PTCHD4: variants seen among roughly 807,000 people sequenced by gnomAD.
PTCHD4 encodes the protein patched domain containing 4.
A neutral mutation model predicts 58.1 loss-of-function variants in PTCHD4; 33 were observed. The ratio of observed to expected loss-of-function variants is 0.57; its 90% CI spans 0.43 to 0.76. The LOEUF (loss-of-function observed/expected upper bound fraction) is 0.76. Among genes scored for constraint, PTCHD4 ranks in the 30% least tolerant of loss-of-function variants. The pLI, the probability that PTCHD4 is intolerant of heterozygous loss-of-function variation, is 0.00. For synonymous variants in PTCHD4, 478 were observed against 409.6 expected (o/e 1.17, Z -2.02); for missense variants, 1,058 against 1,027.1 (o/e 1.03, Z -0.41).
Position 47,878,688 on chromosome 6 carries a change from A to G in PTCHD4, c.2147T>C (p.Ile716Thr), listed in dbSNP as rs116348689. 2.0e-4 allele frequency: 330 copies of G among 1,613,640 alleles called. No homozygotes were observed. In the African/African-American group the frequency reaches 4.2e-3, roughly 21 times the overall value. ...GTCAATGGCGAAATTCAAGGTGTAG[A>G]TAAGGCACAAGATAGAAATGCAATC... Reference protein sequence around the residue: ...DMDCISILCLIYTLNFAIDHC... With the variant: ...DMDCISILCLTYTLNFAIDHC... The change falls in exon 5 of 5, where the codon ATC becomes ACC. Residue 716 changes from isoleucine to threonine, a missense_variant. Coordinates refer to ENST00000339488, the MANE Select transcript of PTCHD4 (RefSeq NM_001384253.1).
intron 4 of PTCHD4, among the ~76,000 whole-genome samples, chr6:47,953,797 A>G (rs1157503145): frequency 6.6e-6 from 1 of 152,184 alleles, no homozygotes; most frequent in Admixed American, 6.5e-5. Flanking sequence ...TATCTGTTCT[A>G]AGATGGAATC....
intron 1 of PTCHD4, among the ~76,000 whole-genome samples, chr6:48,100,061 T>C (rs573367160): frequency 6.6e-6 from 1 of 152,248 alleles, no homozygotes; most frequent in African/African-American, 2.4e-5. Context: ...AGCAAATAAT[T>C]ACTGGCACAT....
rs1445950185 is a variant in PTCHD4, at chr6:47,863,891, G to A, written c.*14412C>T. On this transcript the variant is annotated 3_prime_UTR_variant, in exon 5 of 5. Coordinates refer to ENST00000339488, the MANE Select transcript of PTCHD4 (RefSeq NM_001384253.1). ...TCTTCTAGATGAGTTCTACCAACAG[G>A]TAGACTTGTCAGATATGGCCTTAGT... Among the ~76,000 whole-genome samples the A allele has an allele frequency of 6.6e-6, 1 of 151,956 alleles. No individual in the cohort carries two copies. Among genetic ancestry groups the A allele is most frequent in the Admixed American group, 6.6e-5 (1 of 15,238 alleles).
intron 4 of PTCHD4, among the ~76,000 whole-genome samples, chr6:47,967,991 A>G (rs1767358182): frequency 6.6e-6 from 1 of 152,076 alleles, no homozygotes; most frequent in Non-Finnish European, 1.5e-5. Flanking sequence ...TCCTCTAAGA[A>G]CTTTTCCTTT....
rs770440421 is a variant in PTCHD4 at position 48,068,245 on chromosome 6, G to T, written c.402C>A (p.Ala134=). The change falls in exon 3 of 5, where the codon GCC becomes GCA. Residue 134 remains alanine (A), a synonymous_variant. Transcript: ENST00000339488. The surrounding 1 kb of genome is among the most constrained non-coding windows in gnomAD (Gnocchi z 4.2). The part of the protein sequence containing the change: ...QAEGILQTHR[A]VLEMKDGRNS... The stretch of plus-strand genomic sequence containing the variant: ...TGTGGTTCACCTTCATTTCCAGCAC[G>T]GCTCGGTGGGTCTGCAGGATCCCCT... 4 of 1,573,538 alleles carry T rather than the reference G, an allele frequency of 2.5e-6. No homozygotes were observed. Among genetic ancestry groups the T allele is most frequent in the South Asian group, 1.2e-5 (1 of 86,254 alleles).
Position 47,872,193 on chromosome 6 carries a change from A to G in PTCHD4, c.*6110T>C, listed in dbSNP as rs1763730331. Among the ~76,000 whole-genome samples the G allele has an allele frequency of 6.6e-6, 1 of 151,780 alleles. No individual in the cohort carries two copies. Among genetic ancestry groups the G allele is most frequent in the Non-Finnish European group, 1.5e-5 (1 of 67,740 alleles). On this transcript the variant is annotated 3_prime_UTR_variant, in exon 5 of 5. Coordinates refer to ENST00000339488, the MANE Select transcript of PTCHD4 (RefSeq NM_001384253.1). ...AACATACTGTAGACTGCCGCTACTG[A>G]GAATATAAGTTAAATTTATATAGCA...
In PTCHD4 at chr6:47,959,605, G is replaced by A. The variant is rs533679021; in HGVS notation, c.898+49029C>T. ...GGAACATGATGAAAACTACAGTGAG[G>A]TACATCTTCAAAGTGCTCAAAACCA... On this transcript the variant is annotated intron_variant, in intron 4 of 4. Coordinates refer to ENST00000339488, the MANE Select transcript of PTCHD4 (RefSeq NM_001384253.1). Among the ~76,000 whole-genome samples the A allele has an allele frequency of 3.9e-5, 6 of 152,160 alleles. No individual in the cohort carries two copies. In the East Asian group the frequency reaches 1.2e-3, roughly 29 times the overall value.
chr6:47,917,876 C>T (rs1765309052), intron 4 of PTCHD4, among the ~76,000 whole-genome samples: 1 of 151,980 alleles, frequency 6.6e-6, no homozygotes, highest in Admixed American at 6.6e-5. Flanking sequence ...GAAAAGTGTA[C>T]AAGAAATAGA....
intron 4 of PTCHD4, among the ~76,000 whole-genome samples, chr6:47,966,636 C>T (rs112288083): frequency 1.3e-4 from 20 of 152,310 alleles, no homozygotes; most frequent in African/African-American, 4.6e-4. Context: ...CTTTCCACTG[C>T]TTTCTCAATT....
intron 4 of PTCHD4, among the ~76,000 whole-genome samples, chr6:47,925,893 A>G (rs1765596065): frequency 6.6e-6 from 1 of 151,994 alleles, no homozygotes; most frequent in Non-Finnish European, 1.5e-5. Flanking sequence ...GGTTCTGGGG[A>G]TTGATTGTTG....
chr6:48,047,128 C>T (rs1764063214), intron 3 of PTCHD4, among the ~76,000 whole-genome samples: 2 of 151,704 alleles, frequency 1.3e-5, no homozygotes, highest in South Asian at 4.1e-4. Context: ...ATAAATGAAC[C>T]AAAACTGAGA....
intron 1 of PTCHD4, among the ~76,000 whole-genome samples, chr6:48,093,234 T>A (rs374927472): frequency 1.3e-5 from 2 of 152,146 alleles, no homozygotes; most frequent in Non-Finnish European, 2.9e-5. Flanking sequence ...ACTTCAGAGA[T>A]CATCTACTTC....
rs1455714055 is a variant in PTCHD4 at position 47,860,227 on chromosome 6, C to T, written c.*18076G>A. Among the ~76,000 whole-genome samples the T allele has an allele frequency of 6.6e-6, 1 of 151,924 alleles. No homozygotes were observed. Among genetic ancestry groups the T allele is most frequent in the African/African-American group, 2.4e-5 (1 of 41,396 alleles). The stretch of plus-strand genomic sequence containing the variant: ...TCTGTCAGCATCTTTAAAGAGATTG[C>T]AAGCAATTTAAAGGTAGAAAACACA... On this transcript the variant is annotated 3_prime_UTR_variant, in exon 5 of 5. Coordinates refer to ENST00000339488, the MANE Select transcript of PTCHD4 (RefSeq NM_001384253.1).
At chr6:48,095,158 G>A (rs984730363) in intron 1 of PTCHD4, among the ~76,000 whole-genome samples, 5 of 152,102 alleles carry the variant, frequency 3.3e-5, no homozygotes, top group South Asian at 2.1e-4. Context: ...TACTTTATAC[G>A]TGTCTGTTTC....
At chr6:48,070,802 T>C (rs1562039328) in intron 1 of PTCHD4, among the ~76,000 whole-genome samples, 1 of 152,252 alleles carries the variant, frequency 6.6e-6, no homozygotes, top group Non-Finnish European at 1.5e-5. Flanking sequence ...TTTTCTCACT[T>C]TATATAATGT....
chr6:47,917,481 C>T (rs1341104260), intron 4 of PTCHD4, among the ~76,000 whole-genome samples: 1 of 152,144 alleles, frequency 6.6e-6, no homozygotes, highest in Non-Finnish European at 1.5e-5. Context: ...CACAAGGACA[C>T]TATAAACCAC....
chr6:47,950,146 T>C (rs1766587340), intron 4 of PTCHD4, among the ~76,000 whole-genome samples: 1 of 151,396 alleles, frequency 6.6e-6, no homozygotes, highest in Admixed American at 6.6e-5. Flanking sequence ...TTTTTTGTCC[T>C]TGTGATAGTT....
At chr6:47,937,900 C>A (rs184868038) in intron 4 of PTCHD4, among the ~76,000 whole-genome samples, 1 of 152,250 alleles carries the variant, frequency 6.6e-6, no homozygotes, top group Non-Finnish European at 1.5e-5. Context: ...CACCTGTAAT[C>A]CCAGCACTTT....
intron 4 of PTCHD4, among the ~76,000 whole-genome samples, chr6:47,943,762 T>C (rs185006228): frequency 6.6e-6 from 1 of 152,046 alleles, no homozygotes; most frequent in African/African-American, 2.4e-5. Flanking sequence ...CCACAATCTG[T>C]CCCTTCAGGG....
Sources: gnomAD v4.1 joint callset for allele counts (sites outside exome capture counted in the v4.1 genomes callset) on GRCh38, gnomAD v4.1.1 for gene constraint, Gnocchi (gnomAD v3.1) non-coding constraint, MANE v1.5 for transcripts, NCBI Gene and HGNC (gene_info 2026-07-23, HGNC 2026-07-21) for gene names.